The following NEK7 variants were observed in gnomAD, a reference collection of about 807,000 sequenced individuals.
NEK7 encodes serine/threonine-protein kinase Nek7.
Under a neutral mutation model 44.6 loss-of-function variants are expected in NEK7, and 18 were observed. That is an observed-to-expected ratio of 0.40 (90% CI 0.28 to 0.60). The LOEUF (loss-of-function observed/expected upper bound fraction) is 0.60. Among genes scored for constraint, NEK7 ranks in the 20% least tolerant of loss-of-function variants. The probability of loss-of-function intolerance (pLI) is 0.38; values close to 1 mark genes in which losing one functional copy is unlikely to be tolerated. For synonymous variants in NEK7, 130 were observed against 121.1 expected, an observed-to-expected ratio of 1.07 and a Z score of -0.48; for missense variants, 256 against 366.5, an observed-to-expected ratio of 0.70 and a Z score of 2.46.
chr1:198,301,347 G>A (rs951201245), intron 9 of NEK7, among the ~76,000 whole-genome samples: 2 of 151,920 alleles, frequency 1.3e-5, no homozygotes, highest in Admixed American at 1.3e-4. Flanking sequence ...TCAGGAGATC[G>A]AGACCATCCT....
chr1:198,185,726 G>A (rs1304197109), intron 1 of NEK7, among the ~76,000 whole-genome samples: 1 of 152,062 alleles, frequency 6.6e-6, no homozygotes, highest in Non-Finnish European at 1.5e-5. Context: ...CTCTTCTCTT[G>A]ATTTTATTAA....
At chr1:198,296,537 A>G (rs897099142) in intron 8 of NEK7, among the ~76,000 whole-genome samples, 2 of 152,198 alleles carry the variant, frequency 1.3e-5, no homozygotes, top group African/African-American at 4.8e-5. Flanking sequence ...TTTTGAACAT[A>G]TTTAATTTAA....
chr1:198,317,192 A>G (rs543883336), intron 9 of NEK7, among the ~76,000 whole-genome samples: 1 of 152,324 alleles, frequency 6.6e-6, no homozygotes, highest in South Asian at 2.1e-4. Context: ...TCTTCTGGAA[A>G]AGGAAACTCT....
At chr1:198,235,033 A>C (rs1437618297) in intron 2 of NEK7, among the ~76,000 whole-genome samples, 1 of 152,140 alleles carries the variant, frequency 6.6e-6, no homozygotes, top group Non-Finnish European at 1.5e-5. Context: ...TTTGTTCCAC[A>C]CCACTGGCCT....
At chr1:198,278,832 C>T (rs2102982204) in intron 6 of NEK7, 122 bp from the exon 7 acceptor site, 1 of 600,646 alleles carries the variant, frequency 1.7e-6, no homozygotes, top group Non-Finnish European at 2.9e-6. Context: ...CTAATTGGTT[C>T]ATAAATCAAA....
At chr1:198,209,661 C>G (rs1175633300) in intron 1 of NEK7, among the ~76,000 whole-genome samples, 1 of 151,856 alleles carries the variant, frequency 6.6e-6, no homozygotes, top group African/African-American at 2.4e-5. Context: ...TACTTTCTCT[C>G]TCTCTCTCTT....
At position 198,239,700 on chromosome 1, in the gene NEK7, A is replaced by G. The variant is rs188677355; in HGVS notation, c.57+7063A>G. On this transcript the variant is annotated intron_variant, in intron 2 of 9. Transcript: ENST00000367385. Reference sequence around the variant, plus strand: ...TAATCAGCAAATGTTTTTTGAATGGATAATCTCTAACTGAAAGTTAATTTC... The same window carrying G: ...TAATCAGCAAATGTTTTTTGAATGGGTAATCTCTAACTGAAAGTTAATTTC... Among the ~76,000 whole-genome samples, 469 of 152,162 alleles carry G rather than the reference A, an allele frequency of 3.1e-3. 2 individuals carry two copies. Among genetic ancestry groups the G allele is most frequent in the Non-Finnish European group, 4.8e-3 (327 of 68,002 alleles).
At chr1:198,312,894 G>A (rs1248549331) in intron 9 of NEK7, among the ~76,000 whole-genome samples, 2 of 152,158 alleles carry the variant, frequency 1.3e-5, no homozygotes, top group African/African-American at 2.4e-5. Flanking sequence ...GTGGCGTGGT[G>A]CTGAAAAAAA....
At chr1:198,183,327 G>T (rs1292499685) in intron 1 of NEK7, among the ~76,000 whole-genome samples, 2 of 152,120 alleles carry the variant, frequency 1.3e-5, no homozygotes, top group African/African-American at 2.4e-5. Context: ...GTACCTGCCT[G>T]GTTCAAAGGA....
chr1:198,259,746 A>G (rs1242095313), intron 3 of NEK7, among the ~76,000 whole-genome samples: 3 of 152,130 alleles, frequency 2.0e-5, no homozygotes, highest in East Asian at 1.9e-4. Context: ...TGGCATTTCT[A>G]TGTGAAATTG....
Position 198,244,210 on chromosome 1 carries a change from G to A in NEK7, c.58-8830G>A, listed in dbSNP as rs554203583. Among the ~76,000 whole-genome samples, 18 of 151,996 alleles carry A rather than the reference G, an allele frequency of 1.2e-4. No homozygotes were observed. In the East Asian group the frequency reaches 1.9e-3, roughly 16 times the overall value. ...CAATAACAATGAAAACCTTATTAAT[G>A]GTGTTAATTACTGTAATTAATACTG... On this transcript the variant is annotated intron_variant, in intron 2 of 9. Transcript: ENST00000367385.
At chr1:198,313,995 G>A (rs1655271140) in intron 9 of NEK7, among the ~76,000 whole-genome samples, 1 of 151,082 alleles carries the variant, frequency 6.6e-6, no homozygotes, top group Non-Finnish European at 1.5e-5. Flanking sequence ...GCTAGATTGG[G>A]GAAGTTCTCC....
At chr1:198,173,240 G>A (rs1213339955) in intron 1 of NEK7, among the ~76,000 whole-genome samples, 1 of 152,028 alleles carries the variant, frequency 6.6e-6, no homozygotes, top group African/African-American at 2.4e-5. Context: ...ACCAGCATGA[G>A]CAACATAGGG....
chr1:198,320,402 G>T lies in NEK7; in HGVS notation c.*880G>T, dbSNP rs944203728. 6.6e-6 allele frequency: 1 copy of T among 151,900 alleles called. No homozygotes were observed. Among genetic ancestry groups the T allele is most frequent in the South Asian group, 2.1e-4 (1 of 4,822 alleles). 9.4% of individuals were successfully genotyped at this position (151,900 alleles called of 1,614,324 possible). On this transcript the variant is annotated 3_prime_UTR_variant, in exon 10 of 10. Coordinates refer to ENST00000367385, the MANE Select transcript of NEK7 (RefSeq NM_133494.3). The stretch of plus-strand genomic sequence containing the variant: ...TTTAAGTGCATTTTAACTCATAATT[G>T]TACACTATAATATAAGCCTAAGTTT...
chr1:198,232,718 C>A, intron 2 of NEK7, 81 bp downstream of exon 2: 1 of 758,726 alleles, frequency 1.3e-6, no homozygotes, highest in Non-Finnish European at 2.2e-6. Context: ...ATTTACAGTT[C>A]CTTTAGGAAA....
At chr1:198,261,461 C>T (rs12738592) in intron 3 of NEK7, among the ~76,000 whole-genome samples, 67 of 151,972 alleles carry the variant, frequency 4.4e-4, no homozygotes, top group Non-Finnish European at 5.3e-4. Flanking sequence ...GAGGCCAGCC[C>T]TCTCTGGTAG....
At chr1:198,310,365 T>G (rs1558105858) in intron 9 of NEK7, among the ~76,000 whole-genome samples, 1 of 151,974 alleles carries the variant, frequency 6.6e-6, no homozygotes, top group Non-Finnish European at 1.5e-5. Flanking sequence ...ATGAGTAGGT[T>G]GTGAAAATTT....
intron 1 of NEK7, among the ~76,000 whole-genome samples, chr1:198,177,138 A>G (rs997723624): frequency 6.6e-6 from 1 of 152,196 alleles, no homozygotes; most frequent in Non-Finnish European, 1.5e-5. Flanking sequence ...ATAAAAGTAG[A>G]TAAAATAATT....
chr1:198,238,894 G>C (rs532572041), intron 2 of NEK7, among the ~76,000 whole-genome samples: 2 of 152,142 alleles, frequency 1.3e-5, no homozygotes, highest in East Asian at 3.9e-4. Flanking sequence ...ATCGTATTCT[G>C]TTCAAGGTTA....
Sources: gnomAD v4.1 joint callset for allele counts (sites outside exome capture counted in the v4.1 genomes callset) on GRCh38, gnomAD v4.1.1 for gene constraint, MANE v1.5 for transcripts, NCBI Gene and HGNC (gene_info 2026-07-23, HGNC 2026-07-21) for gene names.